PCDHGA9: variants seen among roughly 807,000 people sequenced by gnomAD.
PCDHGA9 encodes protocadherin gamma subfamily A, 9, also known as protocadherin gamma-A9.
PCDHGA9 carries 37 observed loss-of-function variants against 62.5 expected under a neutral mutation model. The observed-to-expected ratio is 0.59, with a 90% CI of 0.46 to 0.78. PCDHGA9 has a LOEUF of 0.78. PCDHGA9 is among the 30% of genes least tolerant of loss of function. The pLI is 0.00. For missense variants in PCDHGA9, 1,138 were observed against 1,166.2 expected (o/e 0.98, Z 0.35); for synonymous variants, 459 against 484.6 (o/e 0.95, Z 0.69).
rs1182148013 is a variant in PCDHGA9 at position 141,431,510 on chromosome 5, G to A, written c.2424+26134G>A. 2 of 1,613,904 alleles carry A rather than the reference G, an allele frequency of 1.2e-6. No individual in the cohort carries two copies. Among genetic ancestry groups the A allele is most frequent in the Admixed American group, 1.7e-5 (1 of 60,016 alleles). Reference sequence around the variant, plus strand: ...TGCTCAGCCCGAGTACCGCGCGAGCGTTCCGGAGAATCTGGCCTTGGGCAC... The same window carrying A: ...TGCTCAGCCCGAGTACCGCGCGAGCATTCCGGAGAATCTGGCCTTGGGCAC... On this transcript the variant is annotated intron_variant, in intron 1 of 3. Coordinates refer to ENST00000573521, the MANE Select transcript of PCDHGA9 (RefSeq NM_018921.3). The surrounding 1 kb of genome is among the most constrained non-coding windows in gnomAD (Gnocchi z 4.8).
intron 1 of PCDHGA9, chr5:141,478,112 G>A (rs2099430344): frequency 1.2e-6 from 2 of 1,613,968 alleles, no homozygotes; most frequent in South Asian, 2.2e-5. Flanking sequence ...CACTGTGTCA[G>A]TAACCGAGGA....
chr5:141,434,254 T>C (rs1440934691), intron 1 of PCDHGA9, among the ~76,000 whole-genome samples: 3 of 152,176 alleles, frequency 2.0e-5, no homozygotes, highest in Admixed American at 6.5e-5. Context: ...TTGGGCATTG[T>C]GGGGGAGGTG....
intron 3 of PCDHGA9, among the ~76,000 whole-genome samples, chr5:141,509,022 C>G (rs2099873807): frequency 6.6e-6 from 1 of 152,206 alleles, no homozygotes; most frequent in East Asian, 1.9e-4. Context: ...CAGCTGCTCC[C>G]TCCCACTCAA....
chr5:141,492,934 G>A (rs1382515835), intron 1 of PCDHGA9, among the ~76,000 whole-genome samples: 7 of 152,236 alleles, frequency 4.6e-5, no homozygotes, highest in Admixed American at 4.6e-4. Flanking sequence ...TAGGGTCAGA[G>A]ATTTGGAGGT....
At chr5:141,408,978 C>A (rs1444971938) in intron 1 of PCDHGA9, 1 of 1,613,862 alleles carries the variant, frequency 6.2e-7, no homozygotes, top group African/African-American at 1.3e-5. Context: ...CCCCCTGGGT[C>A]CCCTGTGTTG....
In PCDHGA9 at chr5:141,477,913, T is replaced by G; in HGVS notation, c.2425-16894T>G. ...CACGGGTGGTAGGCTGGGACGCGGA[T>G]GCAGGGCACAATGCCTGGCTCTCCT... On this transcript the variant is annotated intron_variant, in intron 1 of 3. Transcript: ENST00000573521. This position sits in a 1 kb window ranked among gnomAD's most constrained non-coding sequence, Gnocchi z 4.9. 6.2e-7 allele frequency: 1 copy of G among 1,614,190 alleles called. No individual in the cohort carries two copies. Among genetic ancestry groups the G allele is most frequent in the Non-Finnish European group, 8.5e-7 (1 of 1,180,024 alleles).
Position 141,404,265 on chromosome 5 carries a change from T to G in PCDHGA9, c.1313T>G (p.Ile438Ser). Residue 438 changes from isoleucine (I) to serine (S), a missense_variant, in exon 1 of 4, where the codon ATC becomes AGC. Physicochemically the swap from Ile to Ser is moderately radical, Grantham distance 142. Transcript: ENST00000573521. Reference sequence around the variant, plus strand: ...CCGCCCCTGTCCACAGAAATTCACATCACCCTGCAAGTGACTGACATCAAT... The same window carrying G: ...CCGCCCCTGTCCACAGAAATTCACAGCACCCTGCAAGTGACTGACATCAAT... ...GTPPLSTEIH[I>S]TLQVTDINDN... 1 of 1,613,998 alleles carries G rather than the reference T, an allele frequency of 6.2e-7. No individual in the cohort carries two copies. Among genetic ancestry groups the G allele is most frequent in the Non-Finnish European group, 8.5e-7 (1 of 1,179,884 alleles).
chr5:141,480,827 A>G (rs1455065731), intron 1 of PCDHGA9, among the ~76,000 whole-genome samples: 2 of 152,212 alleles, frequency 1.3e-5, no homozygotes, highest in Admixed American at 6.5e-5. Context: ...TGGGTGGATC[A>G]TAAGATCAGG....
intron 1 of PCDHGA9, chr5:141,423,300 G>A (rs1293301567): frequency 2.5e-6 from 4 of 1,614,028 alleles, no homozygotes; most frequent in African/African-American, 1.3e-5. Context: ...CAGACCTCTC[G>A]CTGTACTTGG....
At position 141,486,426 on chromosome 5, in the gene PCDHGA9, A is replaced by T; in HGVS notation, c.2425-8381A>T. 6.2e-7 allele frequency: 1 copy of T among 1,614,190 alleles called. No homozygotes were observed. The highest frequency in any genetic ancestry group is 8.5e-7 in the Non-Finnish European group (1 of 1,180,026). ...GCTGGACCCTTGGATCGAGAGGCCA[A>T]ATCTAGCTATGACATCATGGTCACT... On this transcript the variant is annotated intron_variant, in intron 1 of 3. Coordinates refer to ENST00000573521, the MANE Select transcript of PCDHGA9 (RefSeq NM_018921.3). This position sits in a 1 kb window ranked among gnomAD's most constrained non-coding sequence, Gnocchi z 5.0.
chr5:141,412,285 C>T (rs957716949), intron 1 of PCDHGA9: 3 of 152,194 alleles, frequency 2.0e-5, no homozygotes, highest in Non-Finnish European at 4.4e-5. Context: ...TCAAATTCTA[C>T]GTATTTCTTT....
At position 141,489,074 on chromosome 5, in the gene PCDHGA9, C is replaced by A; in HGVS notation, c.2425-5733C>A. On this transcript the variant is annotated intron_variant, in intron 1 of 3. Coordinates refer to ENST00000573521, the MANE Select transcript of PCDHGA9 (RefSeq NM_018921.3). The surrounding 1 kb of genome is among the most constrained non-coding windows in gnomAD (Gnocchi z 4.5). ...TTCAGCTCCCCTCCCCCCTGCCCAC[C>A]CCCGCCACTCGGTGACTAAGAACTG... 9.4e-6 allele frequency: 3 copies of A among 320,798 alleles called. No individual in the cohort carries two copies. The highest frequency in any genetic ancestry group is 1.7e-5 in the Non-Finnish European group (3 of 177,744). 19.9% of individuals were successfully genotyped at this position (320,798 alleles called of 1,614,324 possible). A position where few individuals can be genotyped will look rare whatever the true frequency, so the allele number is the denominator to read the frequency against.
chr5:141,475,553 T>A (rs1159585016), intron 1 of PCDHGA9, among the ~76,000 whole-genome samples: 2 of 152,260 alleles, frequency 1.3e-5, no homozygotes, highest in Non-Finnish European at 2.9e-5. Flanking sequence ...GTCCGGCTAA[T>A]TGTCTGTCTT....
intron 1 of PCDHGA9, among the ~76,000 whole-genome samples, chr5:141,451,106 G>A (rs1204327490): frequency 1.3e-5 from 2 of 152,164 alleles, no homozygotes; most frequent in African/African-American, 4.8e-5. Context: ...GGGATTACAG[G>A]CGTGAGCCAC....
At chr5:141,465,747 A>G (rs2099108470) in intron 1 of PCDHGA9, among the ~76,000 whole-genome samples, 2 of 151,126 alleles carry the variant, frequency 1.3e-5, no homozygotes, top group African/African-American at 4.9e-5. Flanking sequence ...TCAGGATCAG[A>G]CTGGTAAAGT....
At chr5:141,422,503 A>G (rs2096653107) in intron 1 of PCDHGA9, 2 of 1,613,924 alleles carry the variant, frequency 1.2e-6, no homozygotes, top group Non-Finnish European at 1.7e-6. Context: ...GTTGACAGCC[A>G]CAGACCAGGG....
chr5:141,419,610 C>T (rs779657777), intron 1 of PCDHGA9: 162 of 1,612,012 alleles, frequency 1.0e-4, no homozygotes, highest in Non-Finnish European at 1.3e-4. Flanking sequence ...GCCGCGCAGC[C>T]AGGCTACCTG....
At chr5:141,406,072 CTTT>C (rs530474569) in intron 1 of PCDHGA9, among the ~76,000 whole-genome samples, 2 of 141,478 alleles carry the variant, frequency 1.4e-5, no homozygotes. Context: ...ATTCTTACTC[CTTT>C]TTTTTTTTTT....
chr5:141,456,878 G>A (rs71583646), intron 1 of PCDHGA9, among the ~76,000 whole-genome samples: 21 of 152,162 alleles, frequency 1.4e-4, no homozygotes, highest in African/African-American at 2.4e-4. Flanking sequence ...CAGGAGAATC[G>A]CTTGAACCCG....
Sources: allele counts gnomAD v4.1 joint callset (sites outside exome capture counted in the v4.1 genomes callset), GRCh38; gene constraint gnomAD v4.1.1; non-coding constraint Gnocchi (gnomAD v3.1); transcripts MANE v1.5; gene names NCBI Gene and HGNC (gene_info 2026-07-23, HGNC 2026-07-21).